The following CTNNA2 variants were observed in gnomAD, a reference collection of about 807,000 sequenced individuals.
CTNNA2 encodes the protein catenin alpha-2.
CTNNA2 carries 42 observed loss-of-function variants against 101.0 expected under a neutral mutation model. That is an observed-to-expected ratio of 0.42 (90% confidence interval 0.32 to 0.54). The LOEUF (loss-of-function observed/expected upper bound fraction) is 0.54, where lower values mean the gene tolerates loss of function less well. CTNNA2 is among the 20% of genes least tolerant of loss of function. The probability of loss-of-function intolerance (pLI) is 0.14; values close to 1 mark genes in which losing one functional copy is unlikely to be tolerated. For synonymous variants in CTNNA2, 450 were observed against 456.4 expected (o/e 0.99, Z 0.18); for missense variants, 871 against 1,223.1 (o/e 0.71, Z 4.29).
At chr2:79,681,966 G>A (rs1433523907) in intron 2 of CTNNA2, among the ~76,000 whole-genome samples, 2 of 152,136 alleles carry the variant, frequency 1.3e-5, no homozygotes, top group South Asian at 2.1e-4. Context: ...ACGAAGTGGA[G>A]TTACCATTCA....
chr2:79,616,995 G>T (rs771242069), intron 1 of CTNNA2, among the ~76,000 whole-genome samples: 1 of 151,174 alleles, frequency 6.6e-6, no homozygotes, highest in Non-Finnish European at 1.5e-5. Flanking sequence ...TCCACCTCCC[G>T]GGTTCAAGCG....
At chr2:79,693,357 G>A (rs1684445646) in intron 2 of CTNNA2, among the ~76,000 whole-genome samples, 1 of 151,958 alleles carries the variant, frequency 6.6e-6, no homozygotes, top group Admixed American at 6.6e-5. Flanking sequence ...AAACTTGAAA[G>A]CATTTGAGAA....
chr2:80,445,477 G>A (rs1454903407), intron 9 of CTNNA2, among the ~76,000 whole-genome samples: 2 of 152,020 alleles, frequency 1.3e-5, no homozygotes, highest in African/African-American at 2.4e-5. Flanking sequence ...CACTGTGCTC[G>A]GCCCCGTTAT....
intron 4 of CTNNA2, among the ~76,000 whole-genome samples, chr2:79,401,339 A>G (rs895785395): frequency 4.0e-5 from 6 of 151,362 alleles, no homozygotes; most frequent in African/African-American, 1.5e-4. Flanking sequence ...ATATAAATAT[A>G]TATTTTTTTA....
At chr2:80,412,011 T>A (rs1679616775) in intron 8 of CTNNA2, among the ~76,000 whole-genome samples, 1 of 152,136 alleles carries the variant, frequency 6.6e-6, no homozygotes, top group South Asian at 2.1e-4. Flanking sequence ...AGCCTCTCCT[T>A]TGCTTTCTTG....
chr2:80,091,819 A>G (rs1867807), intron 7 of CTNNA2, among the ~76,000 whole-genome samples: 31,772 of 147,616 alleles, frequency 0.22, 4,118 homozygotes, highest in East Asian at 0.52. Flanking sequence ...GTTGATTTCA[A>G]GAAGAAGGAC....
intron 4 of CTNNA2, among the ~76,000 whole-genome samples, chr2:79,460,175 T>C (rs532397909): frequency 6.6e-6 from 1 of 152,264 alleles, no homozygotes; most frequent in South Asian, 2.1e-4. Context: ...AACCTTATAT[T>C]TATTCTTTTT....
chr2:80,632,514 C>T (rs1468229117), intron 18 of CTNNA2, among the ~76,000 whole-genome samples: 1 of 152,056 alleles, frequency 6.6e-6, no homozygotes, highest in Non-Finnish European at 1.5e-5. Context: ...TTCCTGTGTT[C>T]TATAGTTTGG....
chr2:80,422,439 GT>G (rs56679130), intron 9 of CTNNA2, among the ~76,000 whole-genome samples: 136,557 of 145,406 alleles, frequency 0.94, 64,076 homozygotes, highest in East Asian at 0.99. Flanking sequence ...CTTATAGTTT[GT>G]TTTTTTTTTT....
At chr2:80,547,077 G>C (rs1285831461) in intron 11 of CTNNA2, among the ~76,000 whole-genome samples, 1 of 152,208 alleles carries the variant, frequency 6.6e-6, no homozygotes, top group Non-Finnish European at 1.5e-5. Context: ...GTGTGGAAGT[G>C]ATTTCTGAGG....
chr2:80,202,989 G>A lies in CTNNA2; in HGVS notation c.1057-190222G>A, dbSNP rs757354994. On this transcript the variant is annotated intron_variant, in intron 7 of 18. Transcript: ENST00000402739. ...CAAGGCAGATCTTACATGGATGGCA[G>A]CAGACAAAGAGAGCTTGTGCAGAGC... Among the ~76,000 whole-genome samples the A allele has an allele frequency of 4.9e-4, 74 of 152,214 alleles. 1 individual carries two copies. The highest frequency in any genetic ancestry group is 6.5e-4 in the Non-Finnish European group (44 of 68,048).
intron 2 of CTNNA2, among the ~76,000 whole-genome samples, chr2:79,209,408 A>G (rs1198297769): frequency 3.9e-5 from 6 of 152,126 alleles, no homozygotes; most frequent in African/African-American, 1.2e-4. Flanking sequence ...TCCACATGCA[A>G]TTTACTTTCT....
intron 7 of CTNNA2, among the ~76,000 whole-genome samples, chr2:80,057,808 T>C (rs1697325310): frequency 6.6e-6 from 1 of 152,214 alleles, no homozygotes; most frequent in Non-Finnish European, 1.5e-5. Context: ...CTTTTGTGTA[T>C]TTTGGAGAGG....
At chr2:80,444,252 G>T (rs538007461) in intron 9 of CTNNA2, among the ~76,000 whole-genome samples, 1 of 152,174 alleles carries the variant, frequency 6.6e-6, no homozygotes, top group Admixed American at 6.5e-5. Flanking sequence ...TTCACAAGAG[G>T]CTTTTAGAAG....
chr2:79,985,556 G>A (rs765488688), intron 7 of CTNNA2, among the ~76,000 whole-genome samples: 82 of 152,152 alleles, frequency 5.4e-4, no homozygotes, highest in Non-Finnish European at 8.8e-4. Context: ...AAGTAAGGTG[G>A]CCATCCTGCC....
At chr2:80,167,136 A>G (rs886602729) in intron 7 of CTNNA2, among the ~76,000 whole-genome samples, 1 of 152,134 alleles carries the variant, frequency 6.6e-6, no homozygotes, top group Non-Finnish European at 1.5e-5. Context: ...AGTAATTGCC[A>G]TTATTGTTAA....
At chr2:80,601,860 G>A (rs1697574145) in intron 15 of CTNNA2, 1 of 151,998 alleles carries the variant, frequency 6.6e-6, no homozygotes. Context: ...GTAACTTCGT[G>A]TGTATTAATG....
chr2:80,190,488 T>C (rs1706423980), intron 7 of CTNNA2, among the ~76,000 whole-genome samples: 1 of 152,202 alleles, frequency 6.6e-6, no homozygotes, highest in Admixed American at 6.5e-5. Flanking sequence ...GTCCTCTGTA[T>C]GGCCCATGTT....
At chr2:79,922,465 C>A (rs1180462590) in intron 7 of CTNNA2, among the ~76,000 whole-genome samples, 6 of 152,040 alleles carry the variant, frequency 3.9e-5, no homozygotes, top group African/African-American at 1.4e-4. Context: ...AAATGCTGCA[C>A]CCATGAGAAA....
Sources: allele counts gnomAD v4.1 joint callset (sites outside exome capture counted in the v4.1 genomes callset), GRCh38; gene constraint gnomAD v4.1.1; transcripts MANE v1.5; gene names NCBI Gene and HGNC (gene_info 2026-07-23, HGNC 2026-07-21).